PDLIM5: variants seen among roughly 807,000 people sequenced by gnomAD.
PDLIM5 encodes the protein PDZ and LIM domain protein 5.
In PDLIM5, 34 loss-of-function variants were observed where a neutral mutation model predicts 64.2. That is an observed-to-expected ratio of 0.53 (90% CI 0.40 to 0.71). The LOEUF is 0.71. Among genes scored for constraint, PDLIM5 ranks in the 30% least tolerant of loss-of-function variants. The pLI is 0.00. For missense variants in PDLIM5, 683 were observed against 733.6 expected (o/e 0.93, Z 0.80); for synonymous variants, 253 against 269.1 (o/e 0.94, Z 0.59).
chr4:94,557,255 A>G (rs62315858), intron 3 of PDLIM5, among the ~76,000 whole-genome samples: 10,674 of 152,056 alleles, frequency 0.07, 561 homozygotes, highest in African/African-American at 0.15. Flanking sequence ...GTTCTGTTCC[A>G]TTGGTCTATA....
At chr4:94,555,805 C>T (rs1733247910) in intron 3 of PDLIM5, among the ~76,000 whole-genome samples, 1 of 151,808 alleles carries the variant, frequency 6.6e-6, no homozygotes, top group Non-Finnish European at 1.5e-5. Context: ...GGGAATAACC[C>T]TGTGAGGTAG....
At chr4:94,646,244 G>T (rs911749483) in intron 9 of PDLIM5, among the ~76,000 whole-genome samples, 1 of 152,170 alleles carries the variant, frequency 6.6e-6, no homozygotes, top group African/African-American at 2.4e-5. Flanking sequence ...TTTGAAGAGG[G>T]CATTTGGTCT....
chr4:94,662,394 T>C, intron 11 of PDLIM5, 28 bp from the exon 12 acceptor site: 1 of 1,026,286 alleles, frequency 9.7e-7, no homozygotes, highest in Non-Finnish European at 1.5e-6. Context: ...ATGTTTAAAT[T>C]ATGTCTCTCT....
chr4:94,548,109 T>G (rs1332869570), intron 3 of PDLIM5, among the ~76,000 whole-genome samples: 3 of 152,222 alleles, frequency 2.0e-5, no homozygotes, highest in Non-Finnish European at 4.4e-5. Flanking sequence ...CTGATTTTCT[T>G]GATGCCAACT....
At chr4:94,494,018 G>A (rs1727107300) in intron 2 of PDLIM5, among the ~76,000 whole-genome samples, 1 of 152,070 alleles carries the variant, frequency 6.6e-6, no homozygotes, top group South Asian at 2.1e-4. Flanking sequence ...GGAGTGCAGT[G>A]GTGTAATTGT....
chr4:94,586,872 T>G (rs1349574696), intron 7 of PDLIM5: 2 of 977,752 alleles, frequency 2.0e-6, no homozygotes, highest in African/African-American at 3.4e-5. Flanking sequence ...CTATGTGAAA[T>G]TAAGCTTTTA....
At chr4:94,644,910 CTT>C (rs11358467) in intron 9 of PDLIM5, among the ~76,000 whole-genome samples, 1 of 147,768 alleles carries the variant, frequency 6.8e-6, no homozygotes, top group Middle Eastern at 3.5e-3. Flanking sequence ...TGATATTATT[CTT>C]TTTTTTTTAA....
intron 7 of PDLIM5, among the ~76,000 whole-genome samples, chr4:94,591,911 G>T (rs1736704007): frequency 6.6e-6 from 1 of 152,188 alleles, no homozygotes; most frequent in African/African-American, 2.4e-5. Flanking sequence ...AGTTGCACAG[G>T]TTCTCTTTTA....
intron 3 of PDLIM5, among the ~76,000 whole-genome samples, chr4:94,569,296 A>T (rs898022199): frequency 6.6e-6 from 1 of 151,716 alleles, no homozygotes; most frequent in Non-Finnish European, 1.5e-5. Context: ...GAATGACTTG[A>T]TAAAGTCATT....
intron 3 of PDLIM5, among the ~76,000 whole-genome samples, chr4:94,559,083 G>A (rs1250786759): frequency 3.3e-5 from 5 of 151,844 alleles, no homozygotes; most frequent in South Asian, 2.1e-4. Context: ...GTTTCACATC[G>A]ACCAACTTAC....
chr4:94,561,924 T>C (rs1362243315), intron 3 of PDLIM5, among the ~76,000 whole-genome samples: 2 of 152,228 alleles, frequency 1.3e-5, no homozygotes, highest in Admixed American at 1.3e-4. Flanking sequence ...TTTCTGTTCT[T>C]CTTAGTAATT....
chr4:94,458,242 C>T (rs1007508340), intron 2 of PDLIM5, among the ~76,000 whole-genome samples: 3 of 152,018 alleles, frequency 2.0e-5, no homozygotes, highest in African/African-American at 4.8e-5. Flanking sequence ...TGGGATATTA[C>T]TGGTCATCAG....
At chr4:94,614,899 C>T (rs1738650938) in intron 7 of PDLIM5, among the ~76,000 whole-genome samples, 1 of 152,038 alleles carries the variant, frequency 6.6e-6, no homozygotes, top group Non-Finnish European at 1.5e-5. Flanking sequence ...TACCCTGCAC[C>T]CAAGTGATCC....
intron 9 of PDLIM5, among the ~76,000 whole-genome samples, chr4:94,653,336 A>G (rs1466364601): frequency 6.6e-6 from 1 of 152,116 alleles, no homozygotes; most frequent in Non-Finnish European, 1.5e-5. Flanking sequence ...GGAATGTTGC[A>G]TGGACAAATT....
At chr4:94,626,316 A>G (rs7679542) in intron 8 of PDLIM5, among the ~76,000 whole-genome samples, 52,242 of 152,076 alleles carry the variant, frequency 0.34, 9,104 homozygotes, top group African/African-American at 0.37. Context: ...AGATATTTTT[A>G]TAAGAATGCA....
chr4:94,531,768 T>C (rs1730890960), intron 3 of PDLIM5, among the ~76,000 whole-genome samples: 1 of 152,190 alleles, frequency 6.6e-6, no homozygotes. Flanking sequence ...TAAGATGGGA[T>C]AGATGCATAA....
At chr4:94,616,663 A>G (rs542450237) in intron 7 of PDLIM5, among the ~76,000 whole-genome samples, 2 of 152,354 alleles carry the variant, frequency 1.3e-5, no homozygotes, top group East Asian at 1.9e-4. Context: ...TAAAGTGCTT[A>G]AAGTTTTTTA....
intron 2 of PDLIM5, among the ~76,000 whole-genome samples, chr4:94,484,519 TAAGA>T (rs1189968255): frequency 6.6e-6 from 1 of 152,186 alleles, no homozygotes; most frequent in Non-Finnish European, 1.5e-5. Flanking sequence ...GAAAATAACT[TAAGA>T]AAACTCTTTT....
At chr4:94,652,032 G>A (rs1741881723) in intron 9 of PDLIM5, among the ~76,000 whole-genome samples, 2 of 152,196 alleles carry the variant, frequency 1.3e-5, no homozygotes, top group South Asian at 4.1e-4. Context: ...CAAATGGAAT[G>A]TATTTTCCTT....
Sources: gnomAD v4.1 joint callset for allele counts (sites outside exome capture counted in the v4.1 genomes callset) on GRCh38, gnomAD v4.1.1 for gene constraint, MANE v1.5 for transcripts, NCBI Gene and HGNC (gene_info 2026-07-23, HGNC 2026-07-21) for gene names.